DPP3: variants seen among roughly 807,000 people sequenced by gnomAD.
The protein encoded by DPP3 is dipeptidyl peptidase 3.
DPP3 carries 64 observed loss-of-function variants against 89.8 expected under a neutral mutation model. The observed-to-expected ratio is 0.71, with a 90% CI of 0.58 to 0.88. DPP3 has a LOEUF of 0.88. Among genes scored for constraint, DPP3 ranks in the 40% least tolerant of loss-of-function variants. The probability of loss-of-function intolerance (pLI) is 0.00; values close to 1 mark genes in which losing one functional copy is unlikely to be tolerated. For synonymous variants in DPP3, 377 were observed against 404.3 expected (o/e 0.93, Z 0.81); for missense variants, 835 against 972.5 (o/e 0.86, Z 1.88).
rs1446392199 is a variant in DPP3 at position 66,493,062 on chromosome 11, T to C, written c.1184-5T>C. ...TTCTTTCTGGTCCTTCTCCACCTTC[T>C]CCAGACGATGATCTGAGGCAGACGG... On this transcript the variant is annotated splice_region_variant and splice_polypyrimidine_tract_variant and intron_variant, in intron 10 of 17. Coordinates refer to ENST00000531863, the MANE Select transcript of DPP3 (RefSeq NM_130443.4). 1.9e-6 allele frequency: 3 copies of C among 1,614,076 alleles called. No individual in the cohort carries two copies. In the Admixed American group the frequency reaches 5.0e-5, roughly 27 times the overall value.
intron 9 of DPP3, among the ~76,000 whole-genome samples, chr11:66,492,091 G>A (rs1212489323): frequency 6.6e-6 from 1 of 152,172 alleles, no homozygotes; most frequent in Non-Finnish European, 1.5e-5. Context: ...CAGGCTCCAG[G>A]TAGCCATGTG....
chr11:66,504,779 T>A lies in DPP3; in HGVS notation c.2041+5T>A, dbSNP rs989193454. The A allele has an allele frequency of 1.2e-6, 2 of 1,605,912 alleles. No individual in the cohort carries two copies. The highest frequency in any genetic ancestry group is 1.7e-6 in the Non-Finnish European group (2 of 1,176,220). ...AGCCCAACACTCGCCTTGAAGGTAA[T>A]GAGGTAATGAGGGAGCTCTTGAGCT... On this transcript the variant is annotated splice_donor_5th_base_variant and intron_variant, in intron 17 of 17. Transcript: ENST00000531863.
intron 17 of DPP3, among the ~76,000 whole-genome samples, chr11:66,506,401 C>T (rs972621168): frequency 5.3e-5 from 8 of 151,810 alleles, no homozygotes; most frequent in East Asian, 1.9e-4. Context: ...ATTACAGGCG[C>T]GTGCCGCCAT....
chr11:66,492,490 G>A, intron 9 of DPP3: 1 of 497,446 alleles, frequency 2.0e-6, no homozygotes, highest in East Asian at 3.5e-5. Flanking sequence ...GGGAGAAGGG[G>A]CAGGCGGCCC....
At chr11:66,485,127 AGG>A (rs1343782012) in intron 2 of DPP3, 44 bp from the exon 3 acceptor site, 38 of 1,571,866 alleles carry the variant, frequency 2.4e-5, no homozygotes, top group Non-Finnish European at 3.3e-5. Context: ...CGCTGGGGTC[AGG>A]GAGGCTGTGC....
At chr11:66,500,877 G>A (rs1855659307) in intron 16 of DPP3, among the ~76,000 whole-genome samples, 1 of 152,072 alleles carries the variant, frequency 6.6e-6, no homozygotes, top group African/African-American at 2.4e-5. Context: ...TTAACATGGT[G>A]AAACCCCATC....
intron 16 of DPP3, among the ~76,000 whole-genome samples, chr11:66,500,748 C>T (rs1855655990): frequency 6.6e-6 from 1 of 152,256 alleles, no homozygotes; most frequent in South Asian, 2.1e-4. Context: ...GGGATGTTCA[C>T]AGCAGCATTA....
chr11:66,485,463 C>T (rs1032129873), intron 3 of DPP3, among the ~76,000 whole-genome samples: 1 of 152,210 alleles, frequency 6.6e-6, no homozygotes. Context: ...AAAAGCACCA[C>T]TCGCCCTGAC....
At chr11:66,483,260 C>G (rs2134716390) in intron 2 of DPP3, 2 of 152,302 alleles carry the variant, frequency 1.3e-5, no homozygotes. Context: ...CTCCTGGCCT[C>G]AAGTGATCCA....
intron 16 of DPP3, among the ~76,000 whole-genome samples, chr11:66,499,799 G>A (rs912317674): frequency 2.6e-5 from 4 of 151,948 alleles, no homozygotes; most frequent in African/African-American, 9.7e-5. Flanking sequence ...TATTTTGAGA[G>A]AGAGGCTATA....
At position 66,492,859 on chromosome 11, in the gene DPP3, G is replaced by A. The variant is rs746592651; in HGVS notation, c.1132G>A (p.Val378Ile). 3.1e-6 allele frequency: 5 copies of A among 1,614,074 alleles called. No homozygotes were observed. Among genetic ancestry groups the A allele is most frequent in the Middle Eastern group, 1.7e-4 (1 of 6,058 alleles). The change falls in exon 10 of 18, where the codon GTT becomes ATT. Residue 378 changes from valine (V) to isoleucine (I), a missense_variant. Val to Ile is a conservative substitution (Grantham distance 29). Coordinates refer to ENST00000531863, the MANE Select transcript of DPP3 (RefSeq NM_130443.4). ...FLTPDFTSLDVLTFAGSGIPA... is the reference protein window; with the variant it reads ...FLTPDFTSLDILTFAGSGIPA... ...CACCCCTGACTTCACCTCCCTGGAT[G>A]TTCTCACCTTCGCTGGCTCCGGCAT...
At position 66,480,457 on chromosome 11, in the gene DPP3, C is replaced by T; in HGVS notation, c.-17C>T. The T allele has an allele frequency of 6.7e-7, 1 of 1,488,374 alleles. No homozygotes were observed. Among genetic ancestry groups the T allele is most frequent in the African/African-American group, 1.4e-5 (1 of 69,124 alleles). 92.2% of individuals were successfully genotyped at this position (1,488,374 alleles called of 1,614,324 possible). A position where few individuals can be genotyped will look rare whatever the true frequency, so the allele number is the denominator to read the frequency against. On this transcript the variant is annotated 5_prime_UTR_variant, in exon 1 of 18. Transcript: ENST00000531863. ...GGAAGTGAGTTTGCGAACGGAGCAGCTGCTGCAGGTGAGGCGCGGCGCCTG... is the reference window on the plus strand; with the variant it reads ...GGAAGTGAGTTTGCGAACGGAGCAGTTGCTGCAGGTGAGGCGCGGCGCCTG...
chr11:66,490,164 A>G (rs1179423950), intron 6 of DPP3, among the ~76,000 whole-genome samples: 1 of 150,330 alleles, frequency 6.7e-6, no homozygotes, highest in African/African-American at 2.4e-5. Context: ...AAAAAAAAAA[A>G]AAAAAAAAAG....
At chr11:66,493,248 G>A in intron 11 of DPP3, 69 bp downstream of exon 11, 1 of 1,363,770 alleles carries the variant, frequency 7.3e-7, no homozygotes, top group Non-Finnish European at 1.0e-6. Context: ...AAGAGAGACA[G>A]CCCAGAGCAG....
At chr11:66,490,229 A>G (rs1016490576) in intron 6 of DPP3, among the ~76,000 whole-genome samples, 3 of 151,820 alleles carry the variant, frequency 2.0e-5, no homozygotes, top group Non-Finnish European at 2.9e-5. Context: ...GTTTTTACAT[A>G]GCCTTGAAGT....
chr11:66,506,093 C>T (rs1438483173), intron 17 of DPP3, among the ~76,000 whole-genome samples: 4 of 151,982 alleles, frequency 2.6e-5, no homozygotes, highest in Admixed American at 6.6e-5. Context: ...GTATAACAGG[C>T]GCCCGCCACC....
intron 4 of DPP3, 44 bp downstream of exon 4, chr11:66,486,721 T>C: frequency 6.9e-7 from 1 of 1,445,854 alleles, no homozygotes. Flanking sequence ...GTGGAGGGAA[T>C]CCTTCAAGGC....
intron 6 of DPP3, among the ~76,000 whole-genome samples, chr11:66,490,897 G>A (rs1210200373): frequency 6.6e-6 from 1 of 151,676 alleles, no homozygotes; most frequent in Admixed American, 6.6e-5. Flanking sequence ...AGCCTCCCGA[G>A]TAGCTGGCAT....
chr11:66,483,145 G>A (rs1855134953), intron 2 of DPP3: 1 of 151,640 alleles, frequency 6.6e-6, no homozygotes, highest in South Asian at 2.1e-4. Flanking sequence ...TCATGCCTCA[G>A]CCTCCCAAGT....
Sources: gnomAD v4.1 joint callset for allele counts (sites outside exome capture counted in the v4.1 genomes callset) on GRCh38, gnomAD v4.1.1 for gene constraint, MANE v1.5 for transcripts, NCBI Gene and HGNC (gene_info 2026-07-23, HGNC 2026-07-21) for gene names.